TXK: variants seen among roughly 807,000 people sequenced by gnomAD.
TXK encodes tyrosine-protein kinase TXK.
In TXK, 60 loss-of-function variants were observed where a neutral mutation model predicts 81.0. That is an observed-to-expected ratio of 0.74 (90% CI 0.60 to 0.92). The LOEUF (loss-of-function observed/expected upper bound fraction) is 0.92, where lower values mean the gene tolerates loss of function less well. TXK is among the 40% of genes least tolerant of loss of function. TXK has a pLI of 0.00. For missense variants in TXK, 581 were observed against 638.3 expected (o/e 0.91, Z 0.97); for synonymous variants, 203 against 210.7 (o/e 0.96, Z 0.32).
At chr4:48,068,536 A>C (rs1375967902) in intron 14 of TXK, among the ~76,000 whole-genome samples, 1 of 152,230 alleles carries the variant, frequency 6.6e-6, no homozygotes, top group Non-Finnish European at 1.5e-5. Context: ...TTACATTTTA[A>C]AAAGTTTTAA....
At chr4:48,089,385 C>CTTT in intron 9 of TXK, 1 of 151,310 alleles carries the variant, frequency 6.6e-6, no homozygotes, top group Non-Finnish European at 1.5e-5. Context: ...GAACTAGATT[C>CTTT]TTTTTTTTTT....
intron 10 of TXK, among the ~76,000 whole-genome samples, chr4:48,081,953 C>T (rs1577653418): frequency 6.6e-6 from 1 of 152,186 alleles, no homozygotes; most frequent in African/African-American, 2.4e-5. Context: ...TTCAATTTAT[C>T]AGCAAGTCTT....
intron 1 of TXK, among the ~76,000 whole-genome samples, chr4:48,128,366 G>A (rs531714583): frequency 2.0e-5 from 3 of 152,078 alleles, no homozygotes; most frequent in Non-Finnish European, 4.4e-5. Flanking sequence ...GTCTGATACC[G>A]GCTGCTTTTG....
chr4:48,071,102 G>A (rs528033247), intron 14 of TXK, among the ~76,000 whole-genome samples: 4 of 151,470 alleles, frequency 2.6e-5, no homozygotes, highest in Admixed American at 6.6e-5. Context: ...GTTTTACCAC[G>A]TTGGCTGGGC....
chr4:48,074,583 A>G (rs1716991695), intron 12 of TXK, among the ~76,000 whole-genome samples: 1 of 152,220 alleles, frequency 6.6e-6, no homozygotes, highest in Admixed American at 6.5e-5. Context: ...GAATGGCCCT[A>G]TATGGAAAGA....
chr4:48,087,281 A>C (rs1206916669), intron 9 of TXK, among the ~76,000 whole-genome samples: 1 of 152,214 alleles, frequency 6.6e-6, no homozygotes, highest in Middle Eastern at 3.4e-3. Context: ...TACCAAACTT[A>C]ATGGTTTAGT....
intron 6 of TXK, among the ~76,000 whole-genome samples, chr4:48,102,635 C>G (rs1472865): frequency 0.35 from 53,684 of 152,094 alleles, 10,041 homozygotes; most frequent in East Asian, 0.73. Flanking sequence ...CCATCTCGCC[C>G]TTGTGTACAA....
At position 48,095,142 on chromosome 4, in the gene TXK, C is replaced by T; in HGVS notation, c.581+1G>A. The T allele has an allele frequency of 6.2e-7, 1 of 1,610,138 alleles. No homozygotes were observed. The highest frequency in any genetic ancestry group is 1.7e-4 in the Middle Eastern group (1 of 6,060). On this transcript the variant is annotated splice_donor_variant, in intron 7 of 14. Transcript: ENST00000264316. LOFTEE classifies it high-confidence loss of function. ...TAGTAACCAAAATCACAAGTGCTTA[C>T]CTTCTAGCTCCCATAAATACGGAAA...
At chr4:48,105,438 TTAG>T (rs974446515) in intron 5 of TXK, among the ~76,000 whole-genome samples, 1 of 152,174 alleles carries the variant, frequency 6.6e-6, no homozygotes, top group African/African-American at 2.4e-5. Context: ...TAGTCAGTAG[TTAG>T]TAGATGTTCT....
chr4:48,083,690 A>T (rs1577654647), intron 10 of TXK, among the ~76,000 whole-genome samples: 1 of 152,246 alleles, frequency 6.6e-6, no homozygotes, highest in East Asian at 1.9e-4. Context: ...AATGTTTTTA[A>T]GCACCAACTA....
At chr4:48,110,112 C>T (rs1203452883) in intron 5 of TXK, among the ~76,000 whole-genome samples, 3 of 152,202 alleles carry the variant, frequency 2.0e-5, no homozygotes, top group South Asian at 2.1e-4. Flanking sequence ...ACATGCCAAA[C>T]AGTTCTTCCA....
chr4:48,129,324 T>C (rs1319419250), intron 1 of TXK, among the ~76,000 whole-genome samples: 1 of 152,224 alleles, frequency 6.6e-6, no homozygotes, highest in Non-Finnish European at 1.5e-5. Flanking sequence ...TAATTTGTGT[T>C]AGACCTTGAC....
chr4:48,123,206 C>T (rs1360688415), intron 1 of TXK, among the ~76,000 whole-genome samples: 1 of 152,052 alleles, frequency 6.6e-6, no homozygotes, highest in African/African-American at 2.4e-5. Flanking sequence ...AAAGGAAAAA[C>T]CCAGAAAATC....
Position 48,071,960 on chromosome 4 carries a change from T to TC in TXK, c.1358-287_1358-286insG, listed in dbSNP as rs1331788581. Among the ~76,000 whole-genome samples the TC allele has an allele frequency of 2.7e-5, 4 of 150,246 alleles. No homozygotes were observed. The South Asian group carries it at 6.4e-4, about 24-fold the overall frequency. On this transcript the variant is annotated intron_variant, in intron 13 of 14. Transcript: ENST00000264316. ...ATGCCAGTAGCATTTTCTTTTCTTT[T>TC]TTTTTTTTTTTGAGACAGGGTCTCG...
chr4:48,080,409 C>T (rs569291617), intron 10 of TXK, among the ~76,000 whole-genome samples: 4 of 152,236 alleles, frequency 2.6e-5, no homozygotes, highest in African/African-American at 9.6e-5. Flanking sequence ...ATTTTATAAT[C>T]CTTTTGTTTC....
At chr4:48,119,233 T>A (rs1050194684) in intron 1 of TXK, among the ~76,000 whole-genome samples, 23 of 152,278 alleles carry the variant, frequency 1.5e-4, no homozygotes, top group African/African-American at 5.1e-4. Context: ...TACTAAAAGG[T>A]GGGGAACACT....
chr4:48,083,316 G>A (rs954567070), intron 10 of TXK, among the ~76,000 whole-genome samples: 2 of 152,242 alleles, frequency 1.3e-5, no homozygotes, highest in Non-Finnish European at 2.9e-5. Context: ...TGTCCTGCAA[G>A]TGGGGGCCAG....
intron 14 of TXK, among the ~76,000 whole-genome samples, chr4:48,068,867 A>G (rs1716711215): frequency 8.4e-6 from 1 of 118,588 alleles, no homozygotes. Flanking sequence ...AGACAGCACA[A>G]GTGCAAGTGA....
rs564769592 is a variant in TXK at position 48,125,685 on chromosome 4, G to A, written c.16+8470C>T. Among the ~76,000 whole-genome samples the A allele has an allele frequency of 1.7e-4, 26 of 152,320 alleles. No homozygotes were observed. The South Asian group carries it at 4.3e-3, about 25-fold the overall frequency. On this transcript the variant is annotated intron_variant, in intron 1 of 14. Transcript: ENST00000264316. ...GTCATGCTTACTGCAGTGCAGAGGC[G>A]TGTACATGTTTGTAAGCATGACATT...
Sources: allele counts gnomAD v4.1 joint callset (sites outside exome capture counted in the v4.1 genomes callset), GRCh38; gene constraint gnomAD v4.1.1; transcripts MANE v1.5; gene names NCBI Gene and HGNC (gene_info 2026-07-23, HGNC 2026-07-21).